The following SNF8 variants were observed in gnomAD, a reference collection of about 807,000 sequenced individuals.
The protein encoded by SNF8 is vacuolar-sorting protein SNF8.
Under a neutral mutation model 36.8 loss-of-function variants are expected in SNF8, and 19 were observed. That is an observed-to-expected ratio of 0.52 (90% confidence interval 0.36 to 0.76). The LOEUF is 0.76. Among genes scored for constraint, SNF8 ranks in the 30% least tolerant of loss-of-function variants. The pLI, the probability that SNF8 is intolerant of heterozygous loss-of-function variation, is 0.00. For synonymous variants in SNF8, 127 were observed against 127.4 expected, an observed-to-expected ratio of 1.00 and a Z score of 0.02; for missense variants, 268 against 322.9, an observed-to-expected ratio of 0.83 and a Z score of 1.30.
chr17:48,939,029 C>G (rs1160947815), intron 3 of SNF8, among the ~76,000 whole-genome samples: 1 of 151,052 alleles, frequency 6.6e-6, no homozygotes, highest in Non-Finnish European at 1.5e-5. Flanking sequence ...GAGGCCGAGG[C>G]GGGTGGATCA....
intron 5 of SNF8, chr17:48,934,527 C>A: frequency 5.4e-6 from 1 of 186,566 alleles, no homozygotes; most frequent in South Asian, 6.7e-5. Flanking sequence ...TCATTTGAAC[C>A]CAGGAGGCGG....
At chr17:48,937,432 A>G (rs1435992461) in intron 3 of SNF8, 4 of 420,024 alleles carry the variant, frequency 9.5e-6, no homozygotes, top group East Asian at 1.1e-4. Context: ...GTTCAAGACC[A>G]GCCTGGCCAA....
chr17:48,941,907 T>G (rs928180335), intron 2 of SNF8, among the ~76,000 whole-genome samples: 2 of 152,016 alleles, frequency 1.3e-5, no homozygotes, highest in African/African-American at 4.8e-5. Flanking sequence ...GCCAGGCTGG[T>G]CTCAAATTCC....
In SNF8 at chr17:48,944,565, G is replaced by A. The variant is rs2041076417; in HGVS notation, c.54+116C>T. 1.4e-5 allele frequency: 17 copies of A among 1,185,148 alleles called. No individual in the cohort carries two copies. The East Asian group carries it at 3.5e-4, about 24-fold the overall frequency. The allele number at this position is 1,185,148 out of a possible 1,614,324, so 73.4% of individuals were successfully genotyped here. A position where few individuals can be genotyped will look rare whatever the true frequency, so the allele number is the denominator to read the frequency against. Reference sequence around the variant, plus strand: ...TGGAGAAATTCTGTGTCCCGGGGCCGAGAAGCCAGTCTCAGATTCTGTTGG... The same window carrying A: ...TGGAGAAATTCTGTGTCCCGGGGCCAAGAAGCCAGTCTCAGATTCTGTTGG... On this transcript the variant is annotated intron_variant, in intron 1 of 7. Transcript: ENST00000502492.
chr17:48,934,312 T>G (rs2040903335), intron 5 of SNF8, among the ~76,000 whole-genome samples: 1 of 151,996 alleles, frequency 6.6e-6, no homozygotes, highest in South Asian at 2.1e-4. Flanking sequence ...TGTTATCACT[T>G]TCCTTTTTTT....
rs543601518 is a variant in SNF8 at position 48,942,841 on chromosome 17, C to A, written c.105+1084G>T. Among the ~76,000 whole-genome samples, 7 of 147,210 alleles carry A rather than the reference C, an allele frequency of 4.8e-5. No homozygotes were observed. In the Admixed American group the frequency reaches 4.8e-4, roughly 10 times the overall value. On this transcript the variant is annotated intron_variant, in intron 2 of 7. Transcript: ENST00000502492. ...GGGATTACAGGCGTTAGCCACCGCA[C>A]CCGGCCTTTTTTTTTTTTTTTTTTT... is the stretch of plus-strand genomic sequence containing the variant.
At position 48,941,397 on chromosome 17, in the gene SNF8, G is replaced by T. The variant is rs77145853; in HGVS notation, c.106-335C>A. Among the ~76,000 whole-genome samples the T allele has an allele frequency of 3.9e-3, 593 of 152,146 alleles. 2 individuals carry two copies. Among genetic ancestry groups the T allele is most frequent in the African/African-American group, 0.013 (533 of 41,506 alleles). ...AAGAAAAAGGTATATATATAATGTGGTATTCCTTTTCTTTTTCCCAGAAAA... is the reference window on the plus strand; with the variant it reads ...AAGAAAAAGGTATATATATAATGTGTTATTCCTTTTCTTTTTCCCAGAAAA... On this transcript the variant is annotated intron_variant, in intron 2 of 7. Transcript: ENST00000502492.
chr17:48,935,677 T>TGA, intron 5 of SNF8: 1 of 152,638 alleles, frequency 6.6e-6, no homozygotes, highest in East Asian at 1.9e-4. Flanking sequence ...AGACTCTTTC[T>TGA]CAAAGAAAAA....
intron 3 of SNF8, 150 bp downstream of exon 3, chr17:48,940,774 A>G: frequency 1.1e-6 from 1 of 931,444 alleles, no homozygotes; most frequent in Non-Finnish European, 1.6e-6. Flanking sequence ...TGGGCGACAG[A>G]GCAAAACTCC....
intron 2 of SNF8, among the ~76,000 whole-genome samples, chr17:48,943,009 G>A (rs559455893): frequency 2.0e-5 from 3 of 151,958 alleles, no homozygotes; most frequent in Non-Finnish European, 2.9e-5. Flanking sequence ...GGGACTACAG[G>A]AGCCCGCCAC....
At chr17:48,939,817 A>G (rs947487625) in intron 3 of SNF8, among the ~76,000 whole-genome samples, 3 of 151,866 alleles carry the variant, frequency 2.0e-5, no homozygotes, top group Non-Finnish European at 4.4e-5. Context: ...GCTCACATCT[A>G]TAATCCCAGC....
At chr17:48,943,268 G>C (rs1390990146) in intron 2 of SNF8, among the ~76,000 whole-genome samples, 1 of 149,724 alleles carries the variant, frequency 6.7e-6, no homozygotes, top group Non-Finnish European at 1.5e-5. Flanking sequence ...CCAGGAGTTT[G>C]AGACCAGCCT....
chr17:48,938,085 A>T (rs1028028666), intron 3 of SNF8, among the ~76,000 whole-genome samples: 58 of 152,326 alleles, frequency 3.8e-4, no homozygotes, highest in African/African-American at 1.3e-3. Flanking sequence ...GACAAGACTA[A>T]GAGAAAGAAT....
chr17:48,941,636 G>A (rs2041026474), intron 2 of SNF8, among the ~76,000 whole-genome samples: 1 of 152,046 alleles, frequency 6.6e-6, no homozygotes, highest in South Asian at 2.1e-4. Context: ...TTGAGCCCAG[G>A]AGCTCAAGAT....
Position 48,944,670 on chromosome 17 carries a change from T to C in SNF8, c.54+11A>G, listed in dbSNP as rs1022885057. ...AGGGGCAGGTTGTGGGTCGGCCTTC[T>C]TCCTGCTCACCTCTGCAAGTTTCTT... is the stretch of plus-strand genomic sequence containing the variant. On this transcript the variant is annotated intron_variant, in intron 1 of 7. Coordinates refer to ENST00000502492, the MANE Select transcript of SNF8 (RefSeq NM_007241.4). 3.7e-6 allele frequency: 6 copies of C among 1,612,704 alleles called. No individual in the cohort carries two copies. The African/African-American group carries it at 8.0e-5, about 22-fold the overall frequency.
Position 48,930,211 on chromosome 17 carries a change from C to A in SNF8, c.*264G>T. The stretch of plus-strand genomic sequence containing the variant: ...AACAACCCACATTCTAGGCCCAGCT[C>A]TTCCATGAACTTGCAGATGACCTAC... On this transcript the variant is annotated 3_prime_UTR_variant, in exon 8 of 8. Transcript: ENST00000502492. 3.4e-6 allele frequency: 1 copy of A among 290,268 alleles called. No individual in the cohort carries two copies. The highest frequency in any genetic ancestry group is 6.4e-6 in the Non-Finnish European group (1 of 155,594). The allele number at this position is 290,268 out of a possible 1,614,324, so 18.0% of individuals were successfully genotyped here.
chr17:48,935,317 T>A (rs997192631), intron 5 of SNF8, among the ~76,000 whole-genome samples: 13 of 151,910 alleles, frequency 8.6e-5, no homozygotes, highest in Non-Finnish European at 1.9e-4. Context: ...ATCGAGACCA[T>A]CCTGGCTAAC....
chr17:48,944,543 A>G, intron 1 of SNF8, 138 bp downstream of exon 1: 9 of 978,742 alleles, frequency 9.2e-6, no homozygotes, highest in Non-Finnish European at 1.4e-5. Context: ...CGGAAGCTGG[A>G]GAAATTCTGT....
At chr17:48,938,115 A>C (rs1411774687) in intron 3 of SNF8, among the ~76,000 whole-genome samples, 1 of 152,146 alleles carries the variant, frequency 6.6e-6, no homozygotes, top group Non-Finnish European at 1.5e-5. Context: ...CAGCATTCAA[A>C]AATCCACTGA....
Sources: gnomAD v4.1 joint callset for allele counts (sites outside exome capture counted in the v4.1 genomes callset) on GRCh38, gnomAD v4.1.1 for gene constraint, MANE v1.5 for transcripts, NCBI Gene and HGNC (gene_info 2026-07-23, HGNC 2026-07-21) for gene names.